The following FAM25G variants were observed in gnomAD, a reference collection of about 807,000 sequenced individuals.
The protein encoded by FAM25G is family with sequence similarity 25 member G.
Under a neutral mutation model 6.4 loss-of-function variants are expected in FAM25G, and 3 were observed. The observed-to-expected ratio is 0.47, with a 90% confidence interval of 0.21 to 1.21. The LOEUF is 1.21. FAM25G is among the 50% of genes most tolerant of loss of function. The pLI is 0.22. For missense variants in FAM25G, 34 were observed against 76.0 expected (o/e 0.45, Z 2.06); for synonymous variants, 15 against 31.3 (o/e 0.48, Z 1.74).
At chr10:47,488,595 C>T (rs1840086793) in intron 2 of FAM25G, among the ~76,000 whole-genome samples, 1 of 150,496 alleles carries the variant, frequency 6.6e-6, no homozygotes. Flanking sequence ...GTAAGTCCTT[C>T]ATCTACCTGG....
intron 2 of FAM25G, among the ~76,000 whole-genome samples, 154 bp from the exon 3 acceptor site, chr10:47,487,562 T>C (rs1385955545): frequency 8.7e-6 from 1 of 115,544 alleles, no homozygotes; most frequent in Non-Finnish European, 1.7e-5. Context: ...AATTTGAATT[T>C]GGTTTTAATT....
chr10:47,487,315 A>G lies in FAM25G; in HGVS notation c.230T>C (p.Ile77Thr). ...GTCCAGACTTTCTGCTGCATGGGTGATGGCATTTGTGACTGTGTTGGTCAC... is the reference window on the plus strand; with the variant it reads ...GTCCAGACTTTCTGCTGCATGGGTGGTGGCATTTGTGACTGTGTTGGTCAC... ...ETVTNTVTNAITHAAESLDKL... is the reference protein window; with the variant it reads ...ETVTNTVTNATTHAAESLDKL... The change falls in exon 3 of 3, where the codon ATC (isoleucine) becomes ACC (threonine). Residue 77 changes from isoleucine to threonine, a missense_variant. Ile to Thr is a moderately conservative substitution (Grantham distance 89). Transcript: ENST00000452267. 1 of 881,276 alleles carries G rather than the reference A, an allele frequency of 1.1e-6. No homozygotes were observed. Among genetic ancestry groups the G allele is most frequent in the South Asian group, 1.8e-5 (1 of 55,584 alleles). The allele number at this position is 881,276 out of a possible 1,614,324, so 54.6% of individuals were successfully genotyped here.
chr10:47,489,074 G>A (rs1840100872), intron 2 of FAM25G, among the ~76,000 whole-genome samples: 1 of 148,932 alleles, frequency 6.7e-6, no homozygotes, highest in East Asian at 2.0e-4. Flanking sequence ...CTGGAGTGCA[G>A]TGGCATGATC....
chr10:47,487,626 G>A (rs1477336094), intron 2 of FAM25G, among the ~76,000 whole-genome samples: 53 of 138,306 alleles, frequency 3.8e-4, no homozygotes, highest in African/African-American at 1.3e-3. Context: ...ATCTACTCAT[G>A]GGTACATTGC....
chr10:47,490,519 T>C (rs1840132115), intron 1 of FAM25G: 1 of 152,906 alleles, frequency 6.5e-6, no homozygotes, highest in South Asian at 2.1e-4. Context: ...GTGGTGAGGA[T>C]GTGGAGGTTG....
At chr10:47,488,693 CAT>C (rs1419708431) in intron 2 of FAM25G, among the ~76,000 whole-genome samples, 4 of 122,870 alleles carry the variant, frequency 3.3e-5, no homozygotes, top group African/African-American at 9.1e-5. Context: ...TAACATTTAA[CAT>C]AGAATTTTAC....
intron 2 of FAM25G, among the ~76,000 whole-genome samples, chr10:47,488,792 A>G (rs1475483732): frequency 8.2e-6 from 1 of 122,276 alleles, no homozygotes; most frequent in African/African-American, 3.3e-5. Flanking sequence ...CAGTGTCGCG[A>G]TCTCGGCTCA....
At chr10:47,488,099 A>G (rs1840078810) in intron 2 of FAM25G, among the ~76,000 whole-genome samples, 1 of 137,092 alleles carries the variant, frequency 7.3e-6, no homozygotes, top group Non-Finnish European at 1.6e-5. Context: ...CATGAACCAG[A>G]AAGACTCCCT....
At chr10:47,488,750 CAG>C (rs1349056597) in intron 2 of FAM25G, among the ~76,000 whole-genome samples, 2 of 81,796 alleles carry the variant, frequency 2.4e-5, no homozygotes, top group Admixed American at 2.1e-4. Flanking sequence ...TTTTTTGAGA[CAG>C]AGTATCACAC....
intron 1 of FAM25G, among the ~76,000 whole-genome samples, chr10:47,490,077 T>TG (rs1840123190): frequency 6.7e-6 from 1 of 150,266 alleles, no homozygotes; most frequent in Admixed American, 6.6e-5. Flanking sequence ...GCTGGGCCTG[T>TG]GTGCCAGGTC....
intron 1 of FAM25G, among the ~76,000 whole-genome samples, chr10:47,489,980 G>A (rs1291690588): frequency 6.6e-6 from 1 of 150,582 alleles, no homozygotes; most frequent in Admixed American, 6.6e-5. Context: ...AGCCCCATGA[G>A]GGCATGGGTC....
In FAM25G at chr10:47,489,308, G is replaced by A. The variant is rs1373407000; in HGVS notation, c.136+278C>T. On this transcript the variant is annotated intron_variant, in intron 2 of 2. Transcript: ENST00000452267. ...GCTGGGATTACAGGCATGAGCCACC[G>A]CACCCTGCCATGTTAAATGTTTTGT... is the stretch of plus-strand genomic sequence containing the variant. 2.8e-3 allele frequency among the ~76,000 whole-genome samples: 408 copies of A among 143,904 alleles called. 25 individuals are homozygous for A. Among genetic ancestry groups the A allele is most frequent in the African/African-American group, 9.8e-3 (387 of 39,624 alleles). 94.4% of individuals were successfully genotyped at this position (143,904 alleles called of 152,430 possible).
chr10:47,490,565 T>C (rs1387152848), intron 1 of FAM25G, among the ~76,000 whole-genome samples: 1 of 151,836 alleles, frequency 6.6e-6, no homozygotes, highest in East Asian at 1.9e-4. Context: ...GAGAAACATA[T>C]GGCTACTTGA....
intron 2 of FAM25G, among the ~76,000 whole-genome samples, chr10:47,488,509 C>T (rs1252459695): frequency 1.3e-5 from 2 of 150,996 alleles, no homozygotes; most frequent in Non-Finnish European, 2.9e-5. Flanking sequence ...CTGCACCTGG[C>T]CTATGGTATT....
intron 2 of FAM25G, among the ~76,000 whole-genome samples, chr10:47,489,219 C>T (rs1840103197): frequency 7.4e-6 from 1 of 135,936 alleles, no homozygotes; most frequent in African/African-American, 2.7e-5. Flanking sequence ...GGGGTTTCAC[C>T]GTGTTAGCCA....
chr10:47,488,490 C>T (rs1347269820), intron 2 of FAM25G, among the ~76,000 whole-genome samples: 8 of 150,714 alleles, frequency 5.3e-5, no homozygotes, highest in Non-Finnish European at 1.0e-4. Flanking sequence ...GGATTACAGG[C>T]GTGAGCCACT....
chr10:47,488,211 T>C (rs1165683206), intron 2 of FAM25G, among the ~76,000 whole-genome samples: 2 of 134,128 alleles, frequency 1.5e-5, no homozygotes, highest in African/African-American at 2.9e-5. Flanking sequence ...ACCCAGTTTA[T>C]GGTTTGTTTT....
chr10:47,488,681 T>G (rs1475670647), intron 2 of FAM25G, among the ~76,000 whole-genome samples: 3 of 143,482 alleles, frequency 2.1e-5, no homozygotes. Context: ...CACACATCAA[T>G]TTAACATTTA....
intron 2 of FAM25G, among the ~76,000 whole-genome samples, chr10:47,489,015 A>ATG (rs1840098972): frequency 7.0e-6 from 1 of 142,924 alleles, no homozygotes; most frequent in African/African-American, 2.6e-5. Flanking sequence ...GCCCCCAGCA[A>ATG]TTATTTTTTT....
Sources: gnomAD v4.1 joint callset for allele counts (sites outside exome capture counted in the v4.1 genomes callset) on GRCh38, gnomAD v4.1.1 for gene constraint, MANE v1.5 for transcripts, NCBI Gene and HGNC (gene_info 2026-07-23, HGNC 2026-07-21) for gene names.